The following HCN1 variants were observed in gnomAD, a reference collection of about 807,000 sequenced individuals.
HCN1 encodes the protein potassium/sodium hyperpolarization-activated cyclic nucleotide-gated channel 1.
In HCN1, 13 loss-of-function variants were observed where a neutral mutation model predicts 78.9. The observed-to-expected ratio is 0.16, with a 90% CI of 0.11 to 0.26. The LOEUF is 0.26. Among genes scored for constraint, HCN1 ranks in the 10% least tolerant of loss-of-function variants. The pLI is 1.00. For missense variants in HCN1, 810 were observed against 1,154.3 expected, an observed-to-expected ratio of 0.70 and a Z score of 4.32; for synonymous variants, 552 against 455.5, an observed-to-expected ratio of 1.21 and a Z score of -2.70.
intron 2 of HCN1, among the ~76,000 whole-genome samples, chr5:45,539,437 C>A (rs987093014): frequency 6.6e-6 from 1 of 150,936 alleles, no homozygotes; most frequent in Non-Finnish European, 1.5e-5. Context: ...CCGAGGTGGG[C>A]GGATCACGAG....
intron 1 of HCN1, among the ~76,000 whole-genome samples, chr5:45,659,416 C>T (rs1369460608): frequency 9.3e-6 from 1 of 107,236 alleles, no homozygotes; most frequent in African/African-American, 4.6e-5. Flanking sequence ...TCCAAAGGAA[C>T]GCAGTTCCTC....
chr5:45,318,527 C>T (rs1466027312), intron 5 of HCN1, among the ~76,000 whole-genome samples: 2 of 150,906 alleles, frequency 1.3e-5, no homozygotes, highest in Non-Finnish European at 3.0e-5. Context: ...CAAACCTGCA[C>T]GTTGTGCACA....
At chr5:45,434,626 C>T (rs567256463) in intron 3 of HCN1, among the ~76,000 whole-genome samples, 1 of 152,204 alleles carries the variant, frequency 6.6e-6, no homozygotes, top group Non-Finnish European at 1.5e-5. Flanking sequence ...AATGTCTGAA[C>T]AATGACAAAG....
At chr5:45,602,027 T>C (rs1452926124) in intron 2 of HCN1, among the ~76,000 whole-genome samples, 4 of 151,920 alleles carry the variant, frequency 2.6e-5, no homozygotes, top group East Asian at 3.9e-4. Flanking sequence ...GATGGTTTTA[T>C]AAGGGGCTTC....
intron 3 of HCN1, among the ~76,000 whole-genome samples, chr5:45,415,095 T>C (rs1291649325): frequency 6.6e-6 from 1 of 152,054 alleles, no homozygotes; most frequent in Non-Finnish European, 1.5e-5. Context: ...CCTTGGACTT[T>C]GATTCTGCCT....
At chr5:45,383,278 C>T (rs915421433) in intron 4 of HCN1, among the ~76,000 whole-genome samples, 3 of 152,124 alleles carry the variant, frequency 2.0e-5, no homozygotes, top group African/African-American at 7.2e-5. Flanking sequence ...TACTAATTTG[C>T]ATGTTTTATT....
At chr5:45,299,455 T>A in intron 6 of HCN1, among the ~76,000 whole-genome samples, 1 of 152,132 alleles carries the variant, frequency 6.6e-6, no homozygotes, top group African/African-American at 2.4e-5. Flanking sequence ...TAAAAATTAT[T>A]TTGAATCATC....
chr5:45,367,077 T>C (rs552436786), intron 4 of HCN1, among the ~76,000 whole-genome samples: 6 of 151,780 alleles, frequency 4.0e-5, no homozygotes, highest in Non-Finnish European at 8.9e-5. Flanking sequence ...ATAATGATCA[T>C]TAGTAAGTAC....
chr5:45,322,020 T>G (rs1237632665), intron 5 of HCN1, among the ~76,000 whole-genome samples: 1 of 151,852 alleles, frequency 6.6e-6, no homozygotes, highest in African/African-American at 2.4e-5. Flanking sequence ...AGAAAACAAA[T>G]GAGATCTTGA....
intron 2 of HCN1, chr5:45,559,726 T>C (rs1409238975): frequency 6.6e-6 from 1 of 152,246 alleles, no homozygotes; most frequent in Admixed American, 6.5e-5. Flanking sequence ...TAAACTTAGT[T>C]GCAAAAGCAG....
At chr5:45,604,500 T>A (rs892440444) in intron 2 of HCN1, among the ~76,000 whole-genome samples, 2 of 151,962 alleles carry the variant, frequency 1.3e-5, no homozygotes, top group African/African-American at 4.8e-5. Flanking sequence ...GAGCCAGCCA[T>A]ACAGGTGACA....
At chr5:45,339,262 G>A (rs1746525348) in intron 5 of HCN1, among the ~76,000 whole-genome samples, 1 of 152,116 alleles carries the variant, frequency 6.6e-6, no homozygotes, top group Non-Finnish European at 1.5e-5. Flanking sequence ...TCTTTAAAGA[G>A]ATAATAAACT....
At chr5:45,620,165 CA>C (rs1177119167) in intron 2 of HCN1, among the ~76,000 whole-genome samples, 1 of 151,708 alleles carries the variant, frequency 6.6e-6, no homozygotes, top group Non-Finnish European at 1.5e-5. Context: ...GTCAAGGTGG[CA>C]AAAAACAAGG....
chr5:45,304,359 G>T (rs937701875), intron 5 of HCN1, among the ~76,000 whole-genome samples: 1 of 151,770 alleles, frequency 6.6e-6, no homozygotes, highest in African/African-American at 2.4e-5. Flanking sequence ...ACAGAAAAAG[G>T]TTACACAAAG....
chr5:45,349,269 G>C lies in HCN1; in HGVS notation c.1377+3831C>G, dbSNP rs562587642. On this transcript the variant is annotated intron_variant, in intron 5 of 7. Coordinates refer to ENST00000303230, the MANE Select transcript of HCN1 (RefSeq NM_021072.4). ...GAAACTGAACAACCTGCTCCTGAAT[G>C]ACTACTGGGTACATAACGAAATGAA... Among the ~76,000 whole-genome samples the C allele has an allele frequency of 3.0e-4, 45 of 152,294 alleles. 1 individual carries two copies. In the South Asian group the frequency reaches 8.9e-3, roughly 30 times the overall value.
rs1050747441 is a variant in HCN1, at chr5:45,262,308, C to T, written c.2286G>A (p.Thr762=). 3 of 1,613,844 alleles carry T rather than the reference C, an allele frequency of 1.9e-6. No homozygotes were observed. Among genetic ancestry groups the T allele is most frequent in the Non-Finnish European group, 2.5e-6 (3 of 1,179,996 alleles). The stretch of plus-strand genomic sequence containing the variant: ...TGCTCTTGTGCACTTCATTTTTCGG[C>T]GTGGAGCTGCCAGGTGTCTGTGGCT... ...SPQPQTPGSS[T]PKNEVHKSTQ... is the part of the protein sequence containing the mutation. The change falls in exon 8 of 8, where the codon ACG becomes ACA. Residue 762 remains threonine (T), a synonymous_variant. Coordinates refer to ENST00000303230, the MANE Select transcript of HCN1 (RefSeq NM_021072.4).
At chr5:45,427,400 G>A (rs1451602202) in intron 3 of HCN1, among the ~76,000 whole-genome samples, 17 of 151,982 alleles carry the variant, frequency 1.1e-4, no homozygotes, top group Admixed American at 1.1e-3. Context: ...TTAGGTTTTA[G>A]TTCTATTTTT....
At chr5:45,281,507 A>C (rs892499681) in intron 6 of HCN1, among the ~76,000 whole-genome samples, 2 of 151,824 alleles carry the variant, frequency 1.3e-5, no homozygotes, top group Non-Finnish European at 2.9e-5. Flanking sequence ...GCAAGAACAG[A>C]CTAATACATA....
chr5:45,592,881 A>G (rs1423636761), intron 2 of HCN1, among the ~76,000 whole-genome samples: 1 of 152,216 alleles, frequency 6.6e-6, no homozygotes, highest in Non-Finnish European at 1.5e-5. Flanking sequence ...GTTTGCCTAG[A>G]TAACTTCACT....
Sources: gnomAD v4.1 joint callset for allele counts (sites outside exome capture counted in the v4.1 genomes callset) on GRCh38, gnomAD v4.1.1 for gene constraint, MANE v1.5 for transcripts, NCBI Gene and HGNC (gene_info 2026-07-23, HGNC 2026-07-21) for gene names.